The following SUCO variants were observed in gnomAD, a reference collection of about 807,000 sequenced individuals.
The protein encoded by SUCO is SUN domain-containing ossification factor.
A neutral mutation model predicts 148.1 loss-of-function variants in SUCO; 57 were observed. That is an observed-to-expected ratio of 0.38 (90% CI 0.31 to 0.48). The LOEUF (loss-of-function observed/expected upper bound fraction) is 0.48, where lower values mean the gene tolerates loss of function less well. SUCO is among the 20% of genes least tolerant of loss of function. The pLI is 0.96. For missense variants in SUCO, 1,331 were observed against 1,468.2 expected (o/e 0.91, Z 1.53); for synonymous variants, 470 against 502.7 (o/e 0.93, Z 0.87).
intron 1 of SUCO, among the ~76,000 whole-genome samples, chr1:172,544,821 C>A (rs1652743287): frequency 6.6e-6 from 1 of 152,110 alleles, no homozygotes; most frequent in Non-Finnish European, 1.5e-5. Flanking sequence ...TTAATGGAGT[C>A]TGTAAAAGGT....
At chr1:172,581,491 C>T (rs1456847689) in intron 15 of SUCO, among the ~76,000 whole-genome samples, 4 of 152,124 alleles carry the variant, frequency 2.6e-5, no homozygotes, top group African/African-American at 4.8e-5. Flanking sequence ...AACACTGCTG[C>T]CTTCTGTATC....
At chr1:172,559,812 T>A (rs188993196) in intron 6 of SUCO, among the ~76,000 whole-genome samples, 1 of 152,204 alleles carries the variant, frequency 6.6e-6, no homozygotes, top group East Asian at 1.9e-4. Context: ...GTGGCAGTGG[T>A]AAACAGACAT....
chr1:172,556,456 G>A (rs1653768813), intron 4 of SUCO: 1 of 222,588 alleles, frequency 4.5e-6, no homozygotes, highest in African/African-American at 2.3e-5. Flanking sequence ...AATATTCAGA[G>A]TGTTTAGGTT....
upstream of SUCO, chr1:172,532,862 C>T (rs946371087): frequency 1.3e-6 from 2 of 1,524,502 alleles, no homozygotes; most frequent in Non-Finnish European, 1.8e-6. Flanking sequence ...TGAACGCAAG[C>T]CAGCAAGTGG....
chr1:172,564,068 G>C (rs920068800), intron 6 of SUCO, among the ~76,000 whole-genome samples: 3 of 152,254 alleles, frequency 2.0e-5, no homozygotes, highest in Admixed American at 2.0e-4. Context: ...GGCAGGAGTT[G>C]AGGTTTGGGA....
intron 19 of SUCO, among the ~76,000 whole-genome samples, chr1:172,595,097 G>A (rs895722015): frequency 6.6e-6 from 1 of 152,076 alleles, no homozygotes; most frequent in Non-Finnish European, 1.5e-5. Context: ...CAGAGACTAC[G>A]ATTGTAACCC....
intron 15 of SUCO, among the ~76,000 whole-genome samples, chr1:172,582,758 A>G (rs1417988694): frequency 6.6e-6 from 1 of 152,144 alleles, no homozygotes; most frequent in Non-Finnish European, 1.5e-5. Flanking sequence ...TTCTGTAAAC[A>G]TGGGAAAATT....
In SUCO at chr1:172,555,886, G is replaced by C. The variant is rs1370723512; in HGVS notation, c.306G>C (p.Lys102Asn). The change falls in exon 4 of 24, where the codon AAG becomes AAC. Residue 102 changes from lysine (K) to asparagine (N), a missense_variant. This residue lies in a region of SUCO where 992 missense variants were observed against 1,093.5 expected (regional missense o/e 0.91). Coordinates refer to ENST00000263688, the MANE Select transcript of SUCO (RefSeq NM_014283.5). ...IVDVQNTESK[K>N]LSPPVVETLP... is the part of the protein sequence containing the mutation. ...TTAAACAGAATACAGAGTCAAAAAA[G>C]TTAAGTCCACCGGTGGTGGAGACAC... 6.2e-7 allele frequency: 1 copy of C among 1,611,334 alleles called. No individual in the cohort carries two copies. Among genetic ancestry groups the C allele is most frequent in the Non-Finnish European group, 8.5e-7 (1 of 1,178,650 alleles).
At chr1:172,552,799 A>G (rs1474567056) in intron 2 of SUCO, 1 of 200,128 alleles carries the variant, frequency 5.0e-6, no homozygotes, top group Non-Finnish European at 8.9e-6. Flanking sequence ...TTCAGTAAAC[A>G]TTTAGATACC....
In SUCO at chr1:172,533,247, C is replaced by A; in HGVS notation, c.-189C>A. The A allele has an allele frequency of 6.5e-7, 1 of 1,548,104 alleles. No individual in the cohort carries two copies. The highest frequency in any genetic ancestry group is 8.7e-7 in the Non-Finnish European group (1 of 1,146,570). On this transcript the variant is annotated 5_prime_UTR_variant, in exon 1 of 24. Coordinates refer to ENST00000263688, the MANE Select transcript of SUCO (RefSeq NM_014283.5). ...GTCCTGTGAAGCGCCCCTGTCCGCGCCTCTGTGGGGCCCTCAGAGAGGGCT... is the reference window on the plus strand; with the variant it reads ...GTCCTGTGAAGCGCCCCTGTCCGCGACTCTGTGGGGCCCTCAGAGAGGGCT...
intron 1 of SUCO, among the ~76,000 whole-genome samples, chr1:172,537,743 C>T (rs1005266431): frequency 1.7e-4 from 26 of 152,276 alleles, no homozygotes; most frequent in African/African-American, 5.3e-4. Flanking sequence ...TTTAGACTTT[C>T]GGGAAGAGCT....
Position 172,578,356 on chromosome 1 carries a change from T to C in SUCO, c.1399T>C (p.Ser467Pro). 1 of 1,612,648 alleles carries C rather than the reference T, an allele frequency of 6.2e-7. No individual in the cohort carries two copies. Among genetic ancestry groups the C allele is most frequent in the South Asian group, 1.1e-5 (1 of 91,044 alleles). ...YEEIADSQYH[S>P]ERQELFDEDY... is the part of the protein sequence containing the mutation. Reference sequence around the variant, plus strand: ...AGAAATTGCTGATTCCCAGTATCACTCAGAACGCCAGGAACTATTTGATGA... The same window carrying C: ...AGAAATTGCTGATTCCCAGTATCACCCAGAACGCCAGGAACTATTTGATGA... Residue 467 changes from serine (S) to proline (P), a missense_variant, in exon 14 of 24, where the codon TCA becomes CCA. Physicochemically the swap from Ser to Pro is moderately conservative, Grantham distance 74 (BLOSUM62 -1). Transcript: ENST00000263688.
At chr1:172,550,436 T>G (rs1653204794) in intron 1 of SUCO, among the ~76,000 whole-genome samples, 1 of 151,984 alleles carries the variant, frequency 6.6e-6, no homozygotes, top group Non-Finnish European at 1.5e-5. Context: ...TTGATTTGCT[T>G]CTTAATTTTA....
At chr1:172,596,699 C>T (rs560484737) in intron 19 of SUCO, among the ~76,000 whole-genome samples, 2 of 152,340 alleles carry the variant, frequency 1.3e-5, no homozygotes, top group African/African-American at 4.8e-5. Context: ...TTGGCCCCTA[C>T]TGCGAGGTGC....
At chr1:172,553,670 T>C (rs1653484704) in intron 3 of SUCO, among the ~76,000 whole-genome samples, 1 of 152,168 alleles carries the variant, frequency 6.6e-6, no homozygotes, top group Non-Finnish European at 1.5e-5. Flanking sequence ...TTTTCAGTTG[T>C]TAAGAAATTT....
Position 172,569,062 on chromosome 1 carries a change from T to G in SUCO, c.776T>G (p.Val259Gly). 4 of 1,599,844 alleles carry G rather than the reference T, an allele frequency of 2.5e-6. No individual in the cohort carries two copies. The highest frequency in any genetic ancestry group is 3.4e-6 in the Non-Finnish European group (4 of 1,175,894). The change falls in exon 7 of 24, where the codon GTA becomes GGA. Residue 259 changes from valine to glycine, a missense_variant. By Grantham distance (109) the Val-to-Gly change is moderately radical. Around this residue, in one of 3 missense-constraint regions of SUCO, gnomAD observed 992 missense variants for 1,093.5 expected, o/e 0.91. Coordinates refer to ENST00000263688, the MANE Select transcript of SUCO (RefSeq NM_014283.5). The part of the protein sequence containing the change: ...TKPGDIDPTS[V>G]ASPKDPEDIP... Reference sequence around the variant, plus strand: ...CCAGGAGACATTGACCCTACATCAGTAGCAAGTCCCAAAGATCCAGAAGAT... The same window carrying G: ...CCAGGAGACATTGACCCTACATCAGGAGCAAGTCCCAAAGATCCAGAAGAT...
intron 19 of SUCO, among the ~76,000 whole-genome samples, chr1:172,595,774 G>C (rs1380868060): frequency 1.3e-5 from 2 of 152,172 alleles, no homozygotes; most frequent in African/African-American, 4.8e-5. Context: ...CTCTTCTCGA[G>C]GAGTATCTTT....
chr1:172,539,890 G>A (rs979603980), intron 1 of SUCO, among the ~76,000 whole-genome samples: 1 of 152,180 alleles, frequency 6.6e-6, no homozygotes, highest in Non-Finnish European at 1.5e-5. Flanking sequence ...TGAGACTTGA[G>A]CTCTGTATAT....
chr1:172,596,967 C>T (rs1247623829), intron 19 of SUCO, among the ~76,000 whole-genome samples: 1 of 152,368 alleles, frequency 6.6e-6, no homozygotes, highest in Middle Eastern at 3.4e-3. Flanking sequence ...CTTTGTTTAC[C>T]TACTCAAGCC....
Sources: allele counts gnomAD v4.1 joint callset (sites outside exome capture counted in the v4.1 genomes callset), GRCh38; gene constraint gnomAD v4.1.1; regional missense constraint gnomAD v4.1.1; transcripts MANE v1.5; gene names NCBI Gene and HGNC (gene_info 2026-07-23, HGNC 2026-07-21).